PNPLA4: variants seen among roughly 807,000 people sequenced by gnomAD.
PNPLA4 encodes the protein patatin like domain 4, phospholipase and triacylglycerol lipase, also known as patatin-like phospholipase domain-containing protein 4.
PNPLA4 carries 15 observed loss-of-function variants against 18.3 expected under a neutral mutation model. The observed-to-expected ratio is 0.82, with a 90% CI of 0.55 to 1.26. The LOEUF is 1.26. PNPLA4 is among the 50% of genes most tolerant of loss of function. PNPLA4 has a pLI of 0.00. For missense variants in PNPLA4, 229 were observed against 196.8 expected, an observed-to-expected ratio of 1.16 and a Z score of -0.98; for synonymous variants, 88 against 85.6, an observed-to-expected ratio of 1.03 and a Z score of -0.16.
chrX:7,909,244 G>A (rs1923798393), intron 5 of PNPLA4, among the ~76,000 whole-genome samples: 1 of 111,857 alleles, frequency 8.9e-6, no homozygotes, highest in Non-Finnish European at 1.9e-5. Flanking sequence ...GATAGCACTG[G>A]ATTCTGGTGT....
intron 4 of PNPLA4, 137 bp from the exon 5 acceptor site, chrX:7,912,230 A>G (rs1923900518): frequency 1.5e-5 from 6 of 395,650 alleles, no homozygotes; most frequent in African/African-American, 1.2e-4. Flanking sequence ...ACGTAATTAC[A>G]TAAAAGATAA....
chrX:7,918,550 C>T (rs1924114783), intron 4 of PNPLA4, among the ~76,000 whole-genome samples: 1 of 110,930 alleles, frequency 9.0e-6, no homozygotes, highest in South Asian at 3.8e-4. Context: ...CAAACCATAT[C>T]AAGACCCCAG....
intron 5 of PNPLA4, among the ~76,000 whole-genome samples, chrX:7,903,346 C>A (rs1163015877): frequency 9.1e-6 from 1 of 109,852 alleles, no homozygotes; most frequent in African/African-American, 3.3e-5. Context: ...GTCGCCCAGG[C>A]TGGAGTGCAG....
rs199925282 is a variant in PNPLA4 at position 7,921,833 on chromosome X, C to A, written c.291G>T (p.Ser97=). ...GCTCGTGAGCGCTGGGAGGAAGAATCGACTCCATCCCACTTCTAAAGAAGA... is the reference window on the plus strand; with the variant it reads ...GCTCGTGAGCGCTGGGAGGAAGAATAGACTCCATCCCACTTCTAAAGAAGA... ...FMARLRSGME[S]ILPPSAHELA... Residue 97 remains serine (S), a synonymous_variant, in exon 4 of 7, where the codon TCG becomes TCT. Coordinates refer to ENST00000381042, the MANE Select transcript of PNPLA4 (RefSeq NM_004650.3). 2.5e-6 allele frequency: 3 copies of A among 1,206,081 alleles called. No individual in the cohort carries two copies. Among genetic ancestry groups the A allele is most frequent in the African/African-American group, 3.5e-5 (2 of 56,818 alleles).
In PNPLA4 at chrX:7,912,043, CA is replaced by C. The variant is rs1555911182; in HGVS notation, c.461del (p.Val154GlyfsTer26). On this transcript the variant is annotated frameshift_variant, in exon 5 of 7. Coordinates refer to ENST00000381042, the MANE Select transcript of PNPLA4 (RefSeq NM_004650.3). LOFTEE classifies it high-confidence loss of function. ...FVPIYAGLKLVEYKGQKWVDG... is the reference protein window; with the variant it reads ...FVPIYAGLKLXEYKGQKWVDG... ...ACAAGCTTACCTGCCCTTTGTATTC[CA>C]CTAGCTTCAGTCCTGCATAAATGGG... 1 of 1,200,588 alleles carries C rather than the reference CA, an allele frequency of 8.3e-7. No individual in the cohort carries two copies. Among genetic ancestry groups the C allele is most frequent in the Non-Finnish European group, 1.1e-6 (1 of 887,733 alleles).
chrX:7,922,522 T>C (rs761161652), intron 2 of PNPLA4, among the ~76,000 whole-genome samples: 5 of 111,270 alleles, frequency 4.5e-5, no homozygotes, highest in Admixed American at 9.5e-5. Context: ...GAAATAGGAG[T>C]AGTGACGTCT....
rs1924461816 is a variant in PNPLA4, at chrX:7,927,335, T to C, written c.-63A>G. The C allele has an allele frequency of 8.9e-6, 1 of 112,670 alleles. No individual in the cohort carries two copies. The highest frequency in any genetic ancestry group is 1.9e-5 in the Non-Finnish European group (1 of 53,194). 9.3% of individuals were successfully genotyped at this position (112,670 alleles called of 1,213,427 possible). On this transcript the variant is annotated 5_prime_UTR_variant, in exon 1 of 7. Transcript: ENST00000381042. ...TGTTGAACGAGTCCCTTTAACCAGA[T>C]GGCGGGGCCGGGCCGTCACTCAACG...
intron 5 of PNPLA4, among the ~76,000 whole-genome samples, chrX:7,906,856 G>A (rs767035661): frequency 8.9e-6 from 1 of 112,026 alleles, no homozygotes; most frequent in Admixed American, 9.5e-5. Context: ...ACCCATATCC[G>A]CATGGACTAG....
intron 5 of PNPLA4, among the ~76,000 whole-genome samples, chrX:7,902,411 T>G (rs1923569636): frequency 8.9e-6 from 1 of 112,177 alleles, no homozygotes. Flanking sequence ...AGAAGCCATG[T>G]GTAATTAGAT....
chrX:7,910,465 T>C (rs775500823), intron 5 of PNPLA4, among the ~76,000 whole-genome samples: 51 of 110,433 alleles, frequency 4.6e-4, no homozygotes, highest in South Asian at 1.1e-3. Flanking sequence ...ATGTACTCTT[T>C]TATTAATAAA....
chrX:7,915,897 C>G (rs764146705), intron 4 of PNPLA4, among the ~76,000 whole-genome samples: 1 of 111,861 alleles, frequency 8.9e-6, no homozygotes, highest in Non-Finnish European at 1.9e-5. Context: ...TTCACCTTCA[C>G]AAGGCTAAAT....
At chrX:7,902,457 T>C in intron 5 of PNPLA4, among the ~76,000 whole-genome samples, 1 of 112,169 alleles carries the variant, frequency 8.9e-6, no homozygotes, top group East Asian at 2.8e-4. Flanking sequence ...AAAAGTCAAA[T>C]TTACTGTGGA....
chrX:7,901,566 G>T lies in PNPLA4; in HGVS notation c.630+423C>A, dbSNP rs758771285. ...CTTGCCGCTGCACTCCAGCCTAGGG[G>T]ACAGAGCAACACCCTCTCTCAAAGA... On this transcript the variant is annotated intron_variant, in intron 6 of 6. Transcript: ENST00000381042. Among the ~76,000 whole-genome samples, 20 of 111,805 alleles carry T rather than the reference G, an allele frequency of 1.8e-4. No homozygotes were observed. In the South Asian group the frequency reaches 7.6e-3, roughly 43 times the overall value.
intron 4 of PNPLA4, among the ~76,000 whole-genome samples, chrX:7,920,617 C>T (rs1341721629): frequency 8.9e-6 from 1 of 112,300 alleles, no homozygotes; most frequent in South Asian, 3.7e-4. Flanking sequence ...AACATACATT[C>T]TCCATATTAC....
chrX:7,924,931 G>C (rs1168998047), intron 2 of PNPLA4, among the ~76,000 whole-genome samples: 2 of 112,213 alleles, frequency 1.8e-5, no homozygotes, highest in Non-Finnish European at 3.8e-5. Flanking sequence ...ACACAGTTAT[G>C]GGAAGGAGGT....
rs371061734 is a variant in PNPLA4, at chrX:7,903,780, A to T, written c.478-1639T>A. 5.7e-4 allele frequency among the ~76,000 whole-genome samples: 64 copies of T among 112,171 alleles called. 2 individuals carry two copies. The South Asian group carries it at 0.023, about 40-fold the overall frequency. ...GGAGGAGAGAGTATAAGTAGATTGG[A>T]TTAAAATAAAACTGACCTGCATAAT... On this transcript the variant is annotated intron_variant, in intron 5 of 6. Coordinates refer to ENST00000381042, the MANE Select transcript of PNPLA4 (RefSeq NM_004650.3).
chrX:7,912,779 T>C (rs954215841), intron 4 of PNPLA4, among the ~76,000 whole-genome samples: 2 of 112,476 alleles, frequency 1.8e-5, no homozygotes, highest in African/African-American at 6.5e-5. Flanking sequence ...AGTGTTCTAT[T>C]TGAAAACATA....
intron 2 of PNPLA4, among the ~76,000 whole-genome samples, chrX:7,923,782 C>A (rs1369558545): frequency 9.0e-6 from 1 of 111,407 alleles, no homozygotes; most frequent in African/African-American, 3.3e-5. Flanking sequence ...TCACATGGGG[C>A]CTTGTGATAC....
intron 5 of PNPLA4, among the ~76,000 whole-genome samples, chrX:7,907,176 C>A (rs1923731480): frequency 9.0e-6 from 1 of 111,000 alleles, no homozygotes; most frequent in African/African-American, 3.3e-5. Context: ...CGCCACCATG[C>A]CCGGCTAATT....
Sources: gnomAD v4.1 joint callset for allele counts (sites outside exome capture counted in the v4.1 genomes callset) on GRCh38, gnomAD v4.1.1 for gene constraint, MANE v1.5 for transcripts, NCBI Gene and HGNC (gene_info 2026-07-23, HGNC 2026-07-21) for gene names.